SYT11: variants seen among roughly 807,000 people sequenced by gnomAD.
The protein encoded by SYT11 is synaptotagmin-11.
Under a neutral mutation model 30.4 loss-of-function variants are expected in SYT11, and 12 were observed. The observed-to-expected ratio is 0.39, with a 90% confidence interval of 0.25 to 0.64. The LOEUF (loss-of-function observed/expected upper bound fraction) is 0.64. Ranked by LOEUF, SYT11 falls within the 30% of genes least tolerant of loss-of-function variation. SYT11 has a pLI of 0.45. For missense variants in SYT11, 412 were observed against 552.0 expected, an observed-to-expected ratio of 0.75 and a Z score of 2.54; for synonymous variants, 204 against 216.0, an observed-to-expected ratio of 0.94 and a Z score of 0.49.
At chr1:155,872,553 G>A (rs1440781211) in intron 2 of SYT11, among the ~76,000 whole-genome samples, 2 of 152,166 alleles carry the variant, frequency 1.3e-5, no homozygotes, top group Non-Finnish European at 2.9e-5. Flanking sequence ...AGAGAGCCGA[G>A]CCCCGCAGCT....
intron 1 of SYT11, among the ~76,000 whole-genome samples, chr1:155,867,464 C>T (rs1672699465): frequency 6.6e-6 from 1 of 152,170 alleles, no homozygotes; most frequent in Admixed American, 6.5e-5. Context: ...ACCCTGAACA[C>T]CCTACCAAGA....
intron 2 of SYT11, among the ~76,000 whole-genome samples, chr1:155,880,257 A>C (rs1238810295): frequency 6.6e-6 from 1 of 152,200 alleles, no homozygotes; most frequent in Non-Finnish European, 1.5e-5. Flanking sequence ...CATGCTCATA[A>C]ATCCAAGGCT....
At position 155,868,678 on chromosome 1, in the gene SYT11, G is replaced by A. The variant is rs1387261737; in HGVS notation, c.748G>A (p.Asp250Asn). The A allele has an allele frequency of 6.2e-7, 1 of 1,614,208 alleles. No individual in the cohort carries two copies. Among genetic ancestry groups the A allele is most frequent in the Non-Finnish European group, 8.5e-7 (1 of 1,180,044 alleles). The part of the protein sequence containing the change: ...LVLHFLVLSF[D>N]RFSRDDVIGE... ...GCTGCACTTCCTTGTCCTCAGCTTT[G>A]ACCGCTTCTCTCGGGATGATGTCAT... The change falls in exon 2 of 4, where the codon GAC becomes AAC. Residue 250 changes from aspartate (D) to asparagine (N), a missense_variant. Physicochemically the swap from Asp to Asn is conservative, Grantham distance 23. Transcript: ENST00000368324. The surrounding 1 kb of genome is among the most constrained non-coding windows in gnomAD (Gnocchi z 4.7).
chr1:155,881,794 T>C lies in SYT11; in HGVS notation c.*286T>C. ...CCCGGGCTGGAGTGCAATGGTGAGA[T>C]CTCAACTCACTGCAACCTCTGCCCT... On this transcript the variant is annotated 3_prime_UTR_variant, in exon 4 of 4. Transcript: ENST00000368324. 4.6e-6 allele frequency: 1 copy of C among 217,328 alleles called. No homozygotes were observed. Among genetic ancestry groups the C allele is most frequent in the Non-Finnish European group, 9.1e-6 (1 of 110,136 alleles). 13.5% of individuals were successfully genotyped at this position (217,328 alleles called of 1,614,324 possible). A position where few individuals can be genotyped will look rare whatever the true frequency, so the allele number is the denominator to read the frequency against.
chr1:155,861,337 T>C (rs2102552487), intron 1 of SYT11, among the ~76,000 whole-genome samples: 1 of 152,358 alleles, frequency 6.6e-6, no homozygotes, highest in African/African-American at 2.4e-5. Context: ...CTTTTTCTTC[T>C]TATTCCCTTC....
At chr1:155,867,479 C>T (rs1370475655) in intron 1 of SYT11, among the ~76,000 whole-genome samples, 3 of 152,190 alleles carry the variant, frequency 2.0e-5, no homozygotes, top group Admixed American at 6.5e-5. Flanking sequence ...CCAAGACCAT[C>T]TAAACTCATC....
chr1:155,874,116 C>G (rs542502312), intron 2 of SYT11, among the ~76,000 whole-genome samples: 3 of 151,988 alleles, frequency 2.0e-5, no homozygotes, highest in Admixed American at 2.0e-4. Flanking sequence ...GCCTGGCCAA[C>G]GTGGCGGAAA....
intron 2 of SYT11, among the ~76,000 whole-genome samples, chr1:155,872,691 CAAAAGAAAGAGCCA>C (rs1672799114): frequency 6.6e-6 from 1 of 152,056 alleles, no homozygotes; most frequent in African/African-American, 2.4e-5. Flanking sequence ...ATGGCTCTTT[CAAAAGAAAGAGCCA>C]TTGACATAGC....
At position 155,868,034 on chromosome 1, in the gene SYT11, T is replaced by G. The variant is rs1378804996; in HGVS notation, c.104T>G (p.Phe35Cys). The change falls in exon 2 of 4, where the codon TTT (phenylalanine) becomes TGT (cysteine). Residue 35 changes from phenylalanine (F) to cysteine (C), a missense_variant. By Grantham distance (205) the Phe-to-Cys change is radical (BLOSUM62 -2). Transcript: ENST00000368324. The surrounding 1 kb of genome is among the most constrained non-coding windows in gnomAD (Gnocchi z 4.7). ...VLVVCVSVTV[F>C]VWSCCHQQAE... The stretch of plus-strand genomic sequence containing the variant: ...GTGGTGTGTGTCTCGGTGACCGTCT[T>G]TGTCTGGTCATGCTGCCACCAGCAG... 2 of 1,613,652 alleles carry G rather than the reference T, an allele frequency of 1.2e-6. No homozygotes were observed. The highest frequency in any genetic ancestry group is 3.3e-4 in the Middle Eastern group (2 of 6,058).
chr1:155,867,160 C>T (rs762277280), intron 1 of SYT11, among the ~76,000 whole-genome samples: 3 of 151,892 alleles, frequency 2.0e-5, no homozygotes, highest in South Asian at 2.1e-4. Flanking sequence ...CAGGTTCAAG[C>T]GATTCTCCTG....
chr1:155,876,355 C>T (rs1212831760), intron 2 of SYT11, among the ~76,000 whole-genome samples: 2 of 150,640 alleles, frequency 1.3e-5, no homozygotes, highest in Non-Finnish European at 2.9e-5. Context: ...ACGCCATTCT[C>T]CTGCCTCAGC....
At chr1:155,875,785 A>T (rs953997964) in intron 2 of SYT11, among the ~76,000 whole-genome samples, 1 of 152,216 alleles carries the variant, frequency 6.6e-6, no homozygotes. Flanking sequence ...TTTTAAAATC[A>T]TGTGAAATAT....
At chr1:155,880,937 T>C (rs1672950717) in intron 3 of SYT11, among the ~76,000 whole-genome samples, 1 of 152,226 alleles carries the variant, frequency 6.6e-6, no homozygotes, top group Non-Finnish European at 1.5e-5. Context: ...TACTTCTTGG[T>C]ATCATGGGAT....
At chr1:155,867,538 C>T (rs549208863) in intron 1 of SYT11, among the ~76,000 whole-genome samples, 3 of 152,330 alleles carry the variant, frequency 2.0e-5, no homozygotes, top group Admixed American at 1.3e-4. Context: ...AGTGCAGGCC[C>T]TGTTCTGGAT....
intron 2 of SYT11, among the ~76,000 whole-genome samples, chr1:155,870,180 GGGTATA>G (rs1672759657): frequency 6.6e-6 from 1 of 152,168 alleles, no homozygotes; most frequent in Non-Finnish European, 1.5e-5. Flanking sequence ...GTCTTTTTCA[GGGTATA>G]ACATAAGTGG....
At chr1:155,877,861 G>A (rs1181050314) in intron 2 of SYT11, among the ~76,000 whole-genome samples, 3 of 152,032 alleles carry the variant, frequency 2.0e-5, no homozygotes, top group African/African-American at 7.3e-5. Flanking sequence ...CGGCTATAGC[G>A]GCCTCTTAAC....
chr1:155,866,913 T>A (rs1283794385), intron 1 of SYT11, among the ~76,000 whole-genome samples: 1 of 151,820 alleles, frequency 6.6e-6, no homozygotes, highest in Non-Finnish European at 1.5e-5. Context: ...TAAATACATA[T>A]ATATACACAC....
intron 2 of SYT11, among the ~76,000 whole-genome samples, chr1:155,877,553 ATT>A (rs35826776): frequency 1.4e-4 from 19 of 134,052 alleles, no homozygotes; most frequent in Non-Finnish European, 2.1e-4. Flanking sequence ...CGCCCAGCTA[ATT>A]TTTTTTTTTT....
chr1:155,869,980 G>T (rs1672756378), intron 2 of SYT11, among the ~76,000 whole-genome samples: 1 of 152,168 alleles, frequency 6.6e-6, no homozygotes, highest in African/African-American at 2.4e-5. Flanking sequence ...TTTGTCATTT[G>T]TAAAATGGAG....
Sources: allele counts gnomAD v4.1 joint callset (sites outside exome capture counted in the v4.1 genomes callset), GRCh38; gene constraint gnomAD v4.1.1; non-coding constraint Gnocchi (gnomAD v3.1); transcripts MANE v1.5; gene names NCBI Gene and HGNC (gene_info 2026-07-23, HGNC 2026-07-21).